The following NFIB variants were observed in gnomAD, a reference collection of about 807,000 sequenced individuals.
NFIB encodes the protein nuclear factor 1 B-type.
NFIB carries 11 observed loss-of-function variants against 61.5 expected under a neutral mutation model. That is an observed-to-expected ratio of 0.18 (90% CI 0.11 to 0.30). The LOEUF (loss-of-function observed/expected upper bound fraction) is 0.30. Among genes scored for constraint, NFIB ranks in the 10% least tolerant of loss-of-function variants. The probability of loss-of-function intolerance (pLI) is 1.00; values close to 1 mark genes in which losing one functional copy is unlikely to be tolerated. For synonymous variants in NFIB, 260 were observed against 216.5 expected, an observed-to-expected ratio of 1.20 and a Z score of -1.76; for missense variants, 471 against 608.9, an observed-to-expected ratio of 0.77 and a Z score of 2.38.
chr9:14,397,432 C>G lies in NFIB; in HGVS notation c.108+1092G>C, dbSNP rs190179628. ...AGGTAGCAAATATAATAACTAAGTGCTAATTTTGGAGAAAACAATCCTTGT... is the reference window on the plus strand; with the variant it reads ...AGGTAGCAAATATAATAACTAAGTGGTAATTTTGGAGAAAACAATCCTTGT... On this transcript the variant is annotated intron_variant, in intron 1 of 8. Coordinates refer to the NFIB transcript ENST00000380934. 2.5e-3 allele frequency among the ~76,000 whole-genome samples: 382 copies of G among 152,286 alleles called. 3 individuals are homozygous for G. The highest frequency in any genetic ancestry group is 8.0e-3 in the African/African-American group (333 of 41,558).
At chr9:14,368,690 T>A (rs2061328046) in intron 1 of NFIB, among the ~76,000 whole-genome samples, 1 of 152,242 alleles carries the variant, frequency 6.6e-6, no homozygotes, top group Admixed American at 6.5e-5. Flanking sequence ...ATATGCCATA[T>A]TATCTCAATT....
At chr9:14,280,877 T>G (rs950445567) in intron 2 of NFIB, among the ~76,000 whole-genome samples, 1 of 152,228 alleles carries the variant, frequency 6.6e-6, no homozygotes, top group African/African-American at 2.4e-5. Flanking sequence ...GATTCTTTTA[T>G]ATGTTATATA....
chr9:14,442,368 C>T, the NFIB span, among the ~76,000 whole-genome samples: 1 of 152,112 alleles, frequency 6.6e-6, no homozygotes. Flanking sequence ...CACAAGGGGT[C>T]GTTGAGAGGA....
At chr9:14,229,888 G>A (rs1204647412) in intron 2 of NFIB, among the ~76,000 whole-genome samples, 3 of 152,140 alleles carry the variant, frequency 2.0e-5, no homozygotes, top group South Asian at 2.1e-4. Context: ...CACAACCTCC[G>A]CCTCCCGGGT....
chr9:14,523,160 G>GTCATA, the NFIB span, among the ~76,000 whole-genome samples: 5 of 152,040 alleles, frequency 3.3e-5, no homozygotes, highest in African/African-American at 1.2e-4. Context: ...GGAAAAGTGG[G>GTCATA]TCATAAGAGT....
chr9:14,227,806 C>G (rs1342029272), intron 2 of NFIB, among the ~76,000 whole-genome samples: 1 of 152,082 alleles, frequency 6.6e-6, no homozygotes, highest in African/African-American at 2.4e-5. Context: ...AATAACGTGC[C>G]CAAGTTAATA....
intron 2 of NFIB, among the ~76,000 whole-genome samples, chr9:14,271,590 T>C (rs1444582083): frequency 1.3e-5 from 2 of 152,028 alleles, no homozygotes; most frequent in Non-Finnish European, 2.9e-5. Flanking sequence ...ACGAAACACA[T>C]GCTTCCACCT....
intron 8 of NFIB, among the ~76,000 whole-genome samples, chr9:14,117,833 A>G (rs964606064): frequency 1.2e-4 from 18 of 152,156 alleles, no homozygotes; most frequent in African/African-American, 4.3e-4. Flanking sequence ...CTGTCTCACT[A>G]TAATTGGTGC....
chr9:14,132,693 A>T (rs1481230166), intron 6 of NFIB, among the ~76,000 whole-genome samples: 1 of 151,986 alleles, frequency 6.6e-6, no homozygotes, highest in African/African-American at 2.4e-5. Context: ...TCAGCCTCCC[A>T]AGTAGCTAGG....
At chr9:14,190,691 A>T (rs2047852219) in intron 2 of NFIB, among the ~76,000 whole-genome samples, 1 of 152,216 alleles carries the variant, frequency 6.6e-6, no homozygotes, top group African/African-American at 2.4e-5. Context: ...AAAGAAAGGA[A>T]CTCAATTATA....
intron 1 of NFIB, among the ~76,000 whole-genome samples, chr9:14,372,447 C>T (rs890161278): frequency 1.2e-4 from 19 of 152,178 alleles, no homozygotes; most frequent in Non-Finnish European, 2.1e-4. Flanking sequence ...AATAAATTAT[C>T]TCTGTTTTCT....
intron 2 of NFIB, among the ~76,000 whole-genome samples, chr9:14,279,541 C>A (rs745588772): frequency 1.3e-5 from 2 of 152,176 alleles, no homozygotes; most frequent in African/African-American, 2.4e-5. Flanking sequence ...ACCCTCAAGG[C>A]AACAGAGATC....
chr9:14,427,638 C>G, the NFIB span, among the ~76,000 whole-genome samples: 2 of 152,130 alleles, frequency 1.3e-5, no homozygotes, highest in African/African-American at 2.4e-5. Context: ...GGCAATCACC[C>G]TCTCCAGGGT....
At chr9:14,187,829 T>C (rs1189470256) in intron 2 of NFIB, among the ~76,000 whole-genome samples, 1 of 152,170 alleles carries the variant, frequency 6.6e-6, no homozygotes, top group Non-Finnish European at 1.5e-5. Context: ...CAAATCATTC[T>C]ACCACAGGGG....
intron 1 of NFIB, among the ~76,000 whole-genome samples, chr9:14,367,575 G>A (rs2061314877): frequency 6.6e-6 from 1 of 152,064 alleles, no homozygotes; most frequent in South Asian, 2.1e-4. Context: ...ATGCTGAGGG[G>A]GTTTAAGCCT....
At chr9:14,247,958 G>T in intron 2 of NFIB, among the ~76,000 whole-genome samples, 1 of 147,802 alleles carries the variant, frequency 6.8e-6, no homozygotes, top group Non-Finnish European at 1.5e-5. Flanking sequence ...TTTGAGACAG[G>T]GTCTCTCCCT....
At chr9:14,502,128 G>C in the NFIB span, among the ~76,000 whole-genome samples, 2 of 152,184 alleles carry the variant, frequency 1.3e-5, no homozygotes, top group African/African-American at 4.8e-5. Context: ...GTTTTAGAAA[G>C]GACGTATGAT....
intron 10 of NFIB, among the ~76,000 whole-genome samples, chr9:14,099,186 T>C (rs1257114101): frequency 6.6e-6 from 1 of 152,230 alleles, no homozygotes; most frequent in African/African-American, 2.4e-5. Flanking sequence ...TTTTGCTTTG[T>C]CCTTTTCTAC....
At chr9:14,128,984 G>C (rs1316960667) in intron 6 of NFIB, among the ~76,000 whole-genome samples, 1 of 152,086 alleles carries the variant, frequency 6.6e-6, no homozygotes, top group Non-Finnish European at 1.5e-5. Context: ...TGACACACTT[G>C]CTTTTACTGA....
Sources: allele counts gnomAD v4.1 joint callset (sites outside exome capture counted in the v4.1 genomes callset), GRCh38; gene constraint gnomAD v4.1.1; transcripts MANE v1.5; gene names NCBI Gene and HGNC (gene_info 2026-07-23, HGNC 2026-07-21).